Variants in FYB1 observed in about 807,000 individuals in gnomAD.
FYB1 encodes FYN-binding protein 1.
FYB1 carries 41 observed loss-of-function variants against 94.1 expected under a neutral mutation model. That is an observed-to-expected ratio of 0.44 (90% CI 0.34 to 0.57). The LOEUF (loss-of-function observed/expected upper bound fraction) is 0.57. Ranked by LOEUF, FYB1 falls within the 20% of genes least tolerant of loss-of-function variation. FYB1 has a pLI of 0.02. For missense variants in FYB1, 1,050 were observed against 976.8 expected (o/e 1.07, Z -1.00); for synonymous variants, 367 against 353.2 (o/e 1.04, Z -0.44).
In FYB1 at chr5:39,227,839, C is replaced by T. The variant is rs116656488; in HGVS notation, c.-27-24852G>A. Among the ~76,000 whole-genome samples the T allele has an allele frequency of 6.5e-3, 988 of 152,256 alleles. 15 individuals are homozygous for T. Among genetic ancestry groups the T allele is most frequent in the African/African-American group, 0.023 (937 of 41,546 alleles). On this transcript the variant is annotated intron_variant, in intron 1 of 1. Coordinates refer to the FYB1 transcript ENST00000510188. The stretch of plus-strand genomic sequence containing the variant: ...TTTCCTTCATCAGGCCTCATTGAGT[C>T]ATGAGCTTTTGAAATTCTCCTCCTG...
intron 1 of FYB1, among the ~76,000 whole-genome samples, chr5:39,260,935 C>T (rs1221964650): frequency 6.6e-6 from 1 of 151,834 alleles, no homozygotes; most frequent in East Asian, 1.9e-4. Flanking sequence ...TTCCTCCAAG[C>T]AGAAGTTTTA....
intron 13 of FYB1, 95 bp downstream of exon 13, chr5:39,124,158 C>A (rs923345266): frequency 3.6e-6 from 3 of 844,944 alleles, no homozygotes; most frequent in African/African-American, 3.6e-5. Context: ...TTTTCAGAGT[C>A]AAGACTTTAA....
intron 2 of FYB1, among the ~76,000 whole-genome samples, chr5:39,178,696 G>A (rs1055360314): frequency 2.0e-5 from 3 of 152,036 alleles, no homozygotes; most frequent in African/African-American, 7.2e-5. Flanking sequence ...TCAAAAAAAT[G>A]CATAAGTCCT....
At chr5:39,135,074 A>C (rs1741562972) in intron 7 of FYB1, 60 bp from the exon 8 acceptor site, 2 of 1,568,218 alleles carry the variant, frequency 1.3e-6, no homozygotes, top group Admixed American at 3.5e-5. Context: ...ATCTTTAAGG[A>C]ATGCAATTTT....
chr5:39,127,560 G>A (rs760602858), intron 11 of FYB1, among the ~76,000 whole-genome samples, 181 bp downstream of exon 11: 7 of 149,972 alleles, frequency 4.7e-5, no homozygotes, highest in African/African-American at 7.4e-5. Context: ...CAAACACTTC[G>A]TTTGAAGTGT....
chr5:39,173,085 C>G (rs1414286728), intron 2 of FYB1, among the ~76,000 whole-genome samples: 1 of 152,166 alleles, frequency 6.6e-6, no homozygotes, highest in Admixed American at 6.5e-5. Flanking sequence ...TAAGTGCTCC[C>G]TTTTCTCTGC....
chr5:39,190,793 A>T (rs1808560), intron 2 of FYB1, among the ~76,000 whole-genome samples: 142,348 of 147,786 alleles, frequency 0.96, 68,672 homozygotes, highest in Middle Eastern at 1. Context: ...TGTGTGTGTG[A>T]GAGAGAGATG....
intron 16 of FYB1, among the ~76,000 whole-genome samples, chr5:39,118,240 G>C (rs2150276128): frequency 6.6e-6 from 1 of 152,256 alleles, no homozygotes; most frequent in South Asian, 2.1e-4. Flanking sequence ...AAAGTCAAAG[G>C]AGATGGGAAC....
chr5:39,201,247 C>G (rs1170015743), intron 2 of FYB1, among the ~76,000 whole-genome samples: 1 of 152,168 alleles, frequency 6.6e-6, no homozygotes, highest in Non-Finnish European at 1.5e-5. Flanking sequence ...CATCTCTGTA[C>G]TATTGACATT....
At chr5:39,255,171 T>C (rs779760026) in intron 1 of FYB1, among the ~76,000 whole-genome samples, 16 of 152,180 alleles carry the variant, frequency 1.1e-4, no homozygotes, top group Non-Finnish European at 1.9e-4. Flanking sequence ...ATTGTGGATA[T>C]TTCATTTGGT....
intron 17 of FYB1, among the ~76,000 whole-genome samples, chr5:39,110,123 G>C (rs996912961): frequency 3.9e-5 from 6 of 152,050 alleles, no homozygotes; most frequent in African/African-American, 9.7e-5. Context: ...TTAACTATGA[G>C]CTGTACAATT....
chr5:39,268,903 A>G (rs368001710), intron 1 of FYB1, among the ~76,000 whole-genome samples: 2 of 152,046 alleles, frequency 1.3e-5, no homozygotes. Context: ...ATCTTTAAAA[A>G]CATCGTTACT....
At chr5:39,234,301 A>G (rs1173439382) in intron 1 of FYB1, among the ~76,000 whole-genome samples, 1 of 152,084 alleles carries the variant, frequency 6.6e-6, no homozygotes, top group Non-Finnish European at 1.5e-5. Context: ...AGGCATGGAG[A>G]CACATTTGTG....
chr5:39,115,980 G>C (rs139924644), intron 16 of FYB1, among the ~76,000 whole-genome samples: 4 of 152,088 alleles, frequency 2.6e-5, no homozygotes, highest in South Asian at 2.1e-4. Context: ...TGAATATCCT[G>C]AATTACTCCC....
At chr5:39,133,214 G>A (rs1741359895) in intron 9 of FYB1, among the ~76,000 whole-genome samples, 1 of 152,164 alleles carries the variant, frequency 6.6e-6, no homozygotes, top group African/African-American at 2.4e-5. Flanking sequence ...TGTTTCCTTT[G>A]AAATTTGAGT....
At chr5:39,124,299 CA>C (rs1740419825) in intron 12 of FYB1, 21 bp from the exon 13 acceptor site, 1 of 1,528,014 alleles carries the variant, frequency 6.5e-7, no homozygotes, top group African/African-American at 1.4e-5. Flanking sequence ...AGTGAGAACA[CA>C]ATTATAATCA....
At chr5:39,255,122 G>T (rs1374764962) in intron 1 of FYB1, among the ~76,000 whole-genome samples, 1 of 152,118 alleles carries the variant, frequency 6.6e-6, no homozygotes, top group African/African-American at 2.4e-5. Context: ...TACAAGAGGA[G>T]AAAATCATGG....
At chr5:39,169,632 G>C (rs1031462034) in intron 2 of FYB1, 5 of 446,362 alleles carry the variant, frequency 1.1e-5, no homozygotes, top group African/African-American at 1.0e-4. Flanking sequence ...ATTACCTGAG[G>C]TCAGGAGTTC....
intron 2 of FYB1, among the ~76,000 whole-genome samples, chr5:39,193,176 G>T (rs766801224): frequency 2.0e-5 from 3 of 152,158 alleles, no homozygotes; most frequent in Non-Finnish European, 2.9e-5. Context: ...CAGTGAGCAT[G>T]GTCCAGAGAG....
Sources: gnomAD v4.1 joint callset for allele counts (sites outside exome capture counted in the v4.1 genomes callset) on GRCh38, gnomAD v4.1.1 for gene constraint, MANE v1.5 for transcripts, NCBI Gene and HGNC (gene_info 2026-07-23, HGNC 2026-07-21) for gene names.